The following XPR1 variants were observed in gnomAD, a reference collection of about 807,000 sequenced individuals.
XPR1 encodes solute carrier family 53 member 1.
A neutral mutation model predicts 87.5 loss-of-function variants in XPR1; 28 were observed. The observed-to-expected ratio is 0.32, with a 90% CI of 0.24 to 0.44. The LOEUF (loss-of-function observed/expected upper bound fraction) is 0.44, where lower values mean the gene tolerates loss of function less well. XPR1 is among the 20% of genes least tolerant of loss of function. XPR1 has a pLI of 1.00. For missense variants in XPR1, 559 were observed against 862.3 expected (o/e 0.65, Z 4.41); for synonymous variants, 300 against 306.1 (o/e 0.98, Z 0.21).
At chr1:180,648,495 C>A (rs1208761087) in intron 1 of XPR1, among the ~76,000 whole-genome samples, 2 of 152,182 alleles carry the variant, frequency 1.3e-5, no homozygotes, top group Non-Finnish European at 2.9e-5. Context: ...TCTGGGAGTT[C>A]AAACCTGAGA....
intron 1 of XPR1, among the ~76,000 whole-genome samples, chr1:180,637,059 A>AGG: frequency 6.8e-6 from 1 of 146,020 alleles, no homozygotes; most frequent in African/African-American, 2.7e-5. Context: ...TCAAAAAAAA[A>AGG]AAAAAAAAAA....
chr1:180,686,174 C>T (rs553335865), intron 2 of XPR1, among the ~76,000 whole-genome samples: 5 of 152,254 alleles, frequency 3.3e-5, no homozygotes, highest in African/African-American at 1.2e-4. Flanking sequence ...CCCAGAGATT[C>T]TGGTATGTTG....
chr1:180,665,056 T>C (rs542579313), intron 1 of XPR1, among the ~76,000 whole-genome samples: 162 of 152,320 alleles, frequency 1.1e-3, no homozygotes, highest in Admixed American at 4.1e-3. Flanking sequence ...TATCCAATTA[T>C]TAAATATAAA....
At chr1:180,792,337 T>A (rs764987291) in intron 3 of XPR1, among the ~76,000 whole-genome samples, 1 of 152,210 alleles carries the variant, frequency 6.6e-6, no homozygotes, top group Non-Finnish European at 1.5e-5. Flanking sequence ...CTGTTTCTAG[T>A]CATATCAAAA....
intron 1 of XPR1, among the ~76,000 whole-genome samples, chr1:180,641,612 T>G (rs1410462666): frequency 6.6e-6 from 1 of 152,208 alleles, no homozygotes; most frequent in Non-Finnish European, 1.5e-5. Context: ...CATGTGTTAT[T>G]AAGTATGTCT....
chr1:180,837,531 T>C (rs1651341927), intron 11 of XPR1, among the ~76,000 whole-genome samples: 1 of 152,188 alleles, frequency 6.6e-6, no homozygotes, highest in Non-Finnish European at 1.5e-5. Context: ...ACAAAATTGC[T>C]GTCAATCTAA....
At chr1:180,864,452 T>C (rs920855646) in intron 12 of XPR1, among the ~76,000 whole-genome samples, 1 of 152,186 alleles carries the variant, frequency 6.6e-6, no homozygotes, top group Admixed American at 6.5e-5. Flanking sequence ...TACTGGTCTA[T>C]AGTAGACTTA....
intron 2 of XPR1, among the ~76,000 whole-genome samples, chr1:180,753,072 GA>G (rs1170506661): frequency 6.6e-6 from 1 of 152,146 alleles, no homozygotes; most frequent in Non-Finnish European, 1.5e-5. Flanking sequence ...ATCTGAATTT[GA>G]ATCCATATTC....
chr1:180,883,939 A>G (rs1652926164), intron 14 of XPR1, 67 bp from the exon 15 acceptor site: 6 of 1,407,698 alleles, frequency 4.3e-6, no homozygotes, highest in East Asian at 2.3e-5. Flanking sequence ...AAATGTGTCT[A>G]ATACTGTGAA....
At chr1:180,876,298 A>G (rs986273599) in intron 13 of XPR1, among the ~76,000 whole-genome samples, 1 of 152,234 alleles carries the variant, frequency 6.6e-6, no homozygotes, top group Non-Finnish European at 1.5e-5. Context: ...TAAAAAGGGT[A>G]ATACAAGTTA....
At chr1:180,833,512 AACAC>A (rs1327083847) in intron 9 of XPR1, among the ~76,000 whole-genome samples, 12 of 151,998 alleles carry the variant, frequency 7.9e-5, no homozygotes, top group African/African-American at 2.9e-4. Flanking sequence ...AGCAAAAAAA[AACAC>A]AAAAAAAACA....
chr1:180,642,412 CCTTT>C (rs1215252280), intron 1 of XPR1, among the ~76,000 whole-genome samples: 2 of 151,758 alleles, frequency 1.3e-5, no homozygotes, highest in Non-Finnish European at 2.9e-5. Flanking sequence ...ATGACTGTCC[CCTTT>C]CTTTTTTTTT....
chr1:180,736,699 A>G (rs1658740815), intron 2 of XPR1, among the ~76,000 whole-genome samples: 1 of 152,214 alleles, frequency 6.6e-6, no homozygotes, highest in South Asian at 2.1e-4. Context: ...AAATAGGAAC[A>G]AGAAATGAAG....
At chr1:180,806,903 G>A (rs984138996) in intron 6 of XPR1, among the ~76,000 whole-genome samples, 3 of 151,986 alleles carry the variant, frequency 2.0e-5, no homozygotes, top group East Asian at 3.9e-4. Context: ...TTTATTAAAT[G>A]ATATCTACAC....
chr1:180,716,440 T>C (rs914504261), intron 2 of XPR1, among the ~76,000 whole-genome samples: 1 of 152,210 alleles, frequency 6.6e-6, no homozygotes, highest in Admixed American at 6.5e-5. Flanking sequence ...CAAACTAACC[T>C]GTTTTGGTAT....
chr1:180,852,147 G>A (rs1257634765), intron 11 of XPR1, among the ~76,000 whole-genome samples: 1 of 151,962 alleles, frequency 6.6e-6, no homozygotes, highest in Non-Finnish European at 1.5e-5. Flanking sequence ...GTATAAGGTG[G>A]TTTCAAAGAG....
chr1:180,781,776 G>A lies in XPR1; in HGVS notation c.122-5977G>A, dbSNP rs761388436. Among the ~76,000 whole-genome samples, 11 of 151,718 alleles carry A rather than the reference G, an allele frequency of 7.3e-5. 1 individual carries two copies. The highest frequency in any genetic ancestry group is 1.2e-4 in the Non-Finnish European group (8 of 67,918). ...GTTGGTGTGCTGCACCCATTAACTCGTCATTTAGCATTAGGTATATCTCCT... is the reference window on the plus strand; with the variant it reads ...GTTGGTGTGCTGCACCCATTAACTCATCATTTAGCATTAGGTATATCTCCT... On this transcript the variant is annotated intron_variant, in intron 2 of 14. Coordinates refer to ENST00000367590, the MANE Select transcript of XPR1 (RefSeq NM_004736.4).
At chr1:180,823,216 G>A (rs1289706205) in intron 7 of XPR1, among the ~76,000 whole-genome samples, 1 of 150,794 alleles carries the variant, frequency 6.6e-6, no homozygotes, top group Admixed American at 6.6e-5. Flanking sequence ...ACTCCAGTCT[G>A]AGCGACAGAG....
chr1:180,861,849 C>T (rs1038813547), intron 11 of XPR1, among the ~76,000 whole-genome samples: 3 of 151,944 alleles, frequency 2.0e-5, no homozygotes, highest in Non-Finnish European at 2.9e-5. Flanking sequence ...CCACTATAGC[C>T]AATTTCAAGC....
Sources: gnomAD v4.1 joint callset for allele counts (sites outside exome capture counted in the v4.1 genomes callset) on GRCh38, gnomAD v4.1.1 for gene constraint, MANE v1.5 for transcripts, NCBI Gene and HGNC (gene_info 2026-07-23, HGNC 2026-07-21) for gene names.